The following CSNK1G2 variants were observed in gnomAD, a reference collection of about 807,000 sequenced individuals.
CSNK1G2 encodes casein kinase 1 gamma 2.
CSNK1G2 carries 11 observed loss-of-function variants against 48.0 expected under a neutral mutation model. That is an observed-to-expected ratio of 0.23 (90% CI 0.14 to 0.38). CSNK1G2 has a LOEUF of 0.38. CSNK1G2 is among the 10% of genes least tolerant of loss of function. CSNK1G2 has a pLI of 1.00. For missense variants in CSNK1G2, 446 were observed against 595.5 expected (o/e 0.75, Z 2.61); for synonymous variants, 337 against 254.1 (o/e 1.33, Z -3.10).
rs539408697 is a variant in CSNK1G2 at position 1,945,111 on chromosome 19, C to T, written c.-266+3693C>T. Among the ~76,000 whole-genome samples, 6 of 152,380 alleles carry T rather than the reference C, an allele frequency of 3.9e-5. No individual in the cohort carries two copies. In the South Asian group the frequency reaches 6.2e-4, roughly 16 times the overall value. On this transcript the variant is annotated intron_variant, in intron 1 of 11. Transcript: ENST00000255641. ...TGGGTTCTGAGTCCTCCAGGCTCCG[C>T]GGCCCCTTCTCGCCCTGCCCAGAGT...
chr19:1,961,087 C>T (rs2015183442), intron 1 of CSNK1G2, among the ~76,000 whole-genome samples: 1 of 152,212 alleles, frequency 6.6e-6, no homozygotes, highest in Non-Finnish European at 1.5e-5. Flanking sequence ...CATGGTGGTC[C>T]TCTGCGGAAG....
chr19:1,941,304 A>G lies in CSNK1G2; in HGVS notation c.-380A>G, dbSNP rs2014348445. ...GAGCCGGAGCGGGGGCCCAAGCGGC[A>G]CCGGAGCCGGAGCGCGAGGGGGCGC... On this transcript the variant is annotated 5_prime_UTR_variant, in exon 1 of 12. Coordinates refer to ENST00000255641, the MANE Select transcript of CSNK1G2 (RefSeq NM_001319.7). 1 of 139,570 alleles carries G rather than the reference A, an allele frequency of 7.2e-6. No homozygotes were observed. The allele number at this position is 139,570 out of a possible 1,614,324, so 8.6% of individuals were successfully genotyped here. A position where few individuals can be genotyped will look rare whatever the true frequency, so the allele number is the denominator to read the frequency against.
intron 1 of CSNK1G2, chr19:1,953,858 T>C (rs373193562): frequency 1.9e-5 from 10 of 533,192 alleles, no homozygotes; most frequent in Non-Finnish European, 3.9e-5. Context: ...CTCTTGCCTT[T>C]GCTGATGGCG....
intron 1 of CSNK1G2, chr19:1,953,329 C>T (rs1191100037): frequency 3.0e-5 from 16 of 525,746 alleles, no homozygotes; most frequent in Admixed American, 2.4e-4. Flanking sequence ...GCTGAGGTGG[C>T]GCAGGGTTGC....
At position 1,957,083 on chromosome 19, in the gene CSNK1G2, C is replaced by T. The variant is rs1311511046; in HGVS notation, c.-265-12425C>T. Reference sequence around the variant, plus strand: ...TGCTGCGTGGCTTAAACGGTGCCACCCGGAGATTGGTGGGCGGGATTGGGC... The same window carrying T: ...TGCTGCGTGGCTTAAACGGTGCCACTCGGAGATTGGTGGGCGGGATTGGGC... On this transcript the variant is annotated intron_variant, in intron 1 of 11. Transcript: ENST00000255641. The surrounding 1 kb of genome is among the most constrained non-coding windows in gnomAD (Gnocchi z 5.4). 6.6e-6 allele frequency among the ~76,000 whole-genome samples: 1 copy of T among 152,092 alleles called. No individual in the cohort carries two copies. Among genetic ancestry groups the T allele is most frequent in the Non-Finnish European group, 1.5e-5 (1 of 68,012 alleles).
intron 1 of CSNK1G2, among the ~76,000 whole-genome samples, chr19:1,967,498 G>A (rs904364997): frequency 9.2e-5 from 13 of 141,980 alleles, no homozygotes; most frequent in African/African-American, 2.7e-4. Context: ...GGGAGGACCC[G>A]GCAGGATCTG....
chr19:1,977,913 T>C (rs2015814467), intron 2 of CSNK1G2, among the ~76,000 whole-genome samples: 1 of 152,106 alleles, frequency 6.6e-6, no homozygotes, highest in Non-Finnish European at 1.5e-5. Flanking sequence ...GTGCTGGGGC[T>C]CACCTGGGGG....
intron 1 of CSNK1G2, among the ~76,000 whole-genome samples, chr19:1,943,250 C>T (rs966938587): frequency 1.3e-5 from 2 of 152,192 alleles, no homozygotes; most frequent in African/African-American, 4.8e-5. Context: ...GCTGTGCCTT[C>T]GGACTTCCTT....
Position 1,978,313 on chromosome 19 carries a change from C to T in CSNK1G2, c.196C>T (p.Leu66Phe). The change falls in exon 3 of 12, where the codon CTC becomes TTC. Residue 66 changes from leucine (L) to phenylalanine (F), a missense_variant. Around this residue, in one of 2 missense-constraint regions of CSNK1G2, gnomAD observed 258 missense variants for 415.9 expected, o/e 0.62. Transcript: ENST00000255641. The surrounding 1 kb of genome is among the most constrained non-coding windows in gnomAD (Gnocchi z 7.3). ...NFGELRLGKN[L>F]YTNEYVAIKL... ...GGTCTCTGTCCCCGCAGGAAAGAAT[C>T]TCTATACAAATGAATACGTGGCTAT... is the stretch of plus-strand genomic sequence containing the variant. The T allele has an allele frequency of 6.2e-7, 1 of 1,613,594 alleles. No homozygotes were observed. Among genetic ancestry groups the T allele is most frequent in the Non-Finnish European group, 8.5e-7 (1 of 1,179,884 alleles).
chr19:1,944,173 G>C (rs2014468409), intron 1 of CSNK1G2, among the ~76,000 whole-genome samples: 1 of 152,264 alleles, frequency 6.6e-6, no homozygotes, highest in African/African-American at 2.4e-5. Context: ...GTCGAGCTCT[G>C]GTGTCAGGCG....
At position 1,978,550 on chromosome 19, in the gene CSNK1G2, G is replaced by C. The variant is rs2015843807; in HGVS notation, c.298+39G>C. The C allele has an allele frequency of 1.3e-6, 2 of 1,568,578 alleles. No homozygotes were observed. Among genetic ancestry groups the C allele is most frequent in the South Asian group, 2.3e-5 (2 of 86,410 alleles). Reference sequence around the variant, plus strand: ...CGCGGGTGGGGCGGGGGCTGCGCAGGGGCAGGGAGGGGGCTGCCGCCGCAC... The same window carrying C: ...CGCGGGTGGGGCGGGGGCTGCGCAGCGGCAGGGAGGGGGCTGCCGCCGCAC... On this transcript the variant is annotated intron_variant, in intron 4 of 11. Coordinates refer to ENST00000255641, the MANE Select transcript of CSNK1G2 (RefSeq NM_001319.7). The surrounding 1 kb of genome is among the most constrained non-coding windows in gnomAD (Gnocchi z 7.3).
At position 1,969,738 on chromosome 19, in the gene CSNK1G2, G is replaced by C. The variant is rs184514738; in HGVS notation, c.-35G>C. 78 of 1,263,434 alleles carry C rather than the reference G, an allele frequency of 6.2e-5. No individual in the cohort carries two copies. Among genetic ancestry groups the C allele is most frequent in the Non-Finnish European group, 7.4e-5 (74 of 995,438 alleles). The allele number at this position is 1,263,434 out of a possible 1,614,324, so 78.3% of individuals were successfully genotyped here. ...GAGACTTGGGATTTGCACGGCAGCA[G>C]AGTCACCGTGGAGAGGCCAGGGTAT... On this transcript the variant is annotated 5_prime_UTR_variant, in exon 2 of 12. Transcript: ENST00000255641.
chr19:1,965,240 G>A (rs1469365689), intron 1 of CSNK1G2, among the ~76,000 whole-genome samples: 2 of 150,376 alleles, frequency 1.3e-5, no homozygotes, highest in South Asian at 2.1e-4. Flanking sequence ...AAAATTAACC[G>A]GCCGTGGTGG....
chr19:1,943,042 AC>A (rs1488617842), intron 1 of CSNK1G2, among the ~76,000 whole-genome samples: 1 of 151,990 alleles, frequency 6.6e-6, no homozygotes, highest in Non-Finnish European at 1.5e-5. Flanking sequence ...GGAACGGGAG[AC>A]CTGCATGCAG....
chr19:1,977,625 C>T (rs1055780055), intron 2 of CSNK1G2, among the ~76,000 whole-genome samples: 1 of 152,012 alleles, frequency 6.6e-6, no homozygotes, highest in Non-Finnish European at 1.5e-5. Flanking sequence ...TGGTGGTGCG[C>T]ACCTGTAGTC....
intron 1 of CSNK1G2, among the ~76,000 whole-genome samples, chr19:1,946,352 C>T (rs183668128): frequency 6.6e-6 from 1 of 151,056 alleles, no homozygotes; most frequent in East Asian, 1.9e-4. Context: ...AGTGCAGTGG[C>T]CCGATCTCAG....
chr19:1,961,510 C>T (rs2015198895), intron 1 of CSNK1G2, among the ~76,000 whole-genome samples: 1 of 152,380 alleles, frequency 6.6e-6, no homozygotes, highest in South Asian at 2.1e-4. Context: ...GGTGGGTGGT[C>T]CCAGGAGCTG....
intron 1 of CSNK1G2, among the ~76,000 whole-genome samples, chr19:1,960,401 A>G (rs1343822542): frequency 1.3e-5 from 2 of 152,156 alleles, no homozygotes; most frequent in Non-Finnish European, 2.9e-5. Flanking sequence ...CCTCGTCGAG[A>G]AAGGCAGGCA....
chr19:1,975,441 T>G, intron 2 of CSNK1G2: 1 of 985,454 alleles, frequency 1.0e-6, no homozygotes, highest in Non-Finnish European at 1.2e-6. Flanking sequence ...AACTCCGCTC[T>G]GGAGAGTCAG....
Sources: gnomAD v4.1 joint callset for allele counts (sites outside exome capture counted in the v4.1 genomes callset) on GRCh38, gnomAD v4.1.1 for gene constraint, gnomAD v4.1.1 regional missense constraint, Gnocchi (gnomAD v3.1) non-coding constraint, MANE v1.5 for transcripts, NCBI Gene and HGNC (gene_info 2026-07-23, HGNC 2026-07-21) for gene names.